The following NRP1 variants were observed in gnomAD, a reference collection of about 807,000 sequenced individuals.
NRP1 encodes neuropilin 1.
A neutral mutation model predicts 106.7 loss-of-function variants in NRP1; 35 were observed. The ratio of observed to expected loss-of-function variants is 0.33; its 90% CI spans 0.25 to 0.43. The LOEUF (loss-of-function observed/expected upper bound fraction) is 0.43, where lower values mean the gene tolerates loss of function less well. NRP1 is among the 20% of genes least tolerant of loss of function. NRP1 has a pLI of 1.00. For missense variants in NRP1, 1,024 were observed against 1,170.4 expected (o/e 0.87, Z 1.83); for synonymous variants, 437 against 417.9 (o/e 1.05, Z -0.56).
chr10:33,322,087 A>G (rs1006006806), intron 2 of NRP1, among the ~76,000 whole-genome samples: 7 of 152,120 alleles, frequency 4.6e-5, no homozygotes, highest in African/African-American at 1.7e-4. Context: ...GGAGAAGAAC[A>G]CTTCCCTGCT....
chr10:33,205,223 A>G (rs888384328), intron 10 of NRP1, among the ~76,000 whole-genome samples: 1 of 152,236 alleles, frequency 6.6e-6, no homozygotes. Flanking sequence ...TTCACCAATC[A>G]TATCAAAAAG....
intron 2 of NRP1, among the ~76,000 whole-genome samples, chr10:33,272,249 G>T (rs988431840): frequency 6.6e-6 from 1 of 152,240 alleles, no homozygotes; most frequent in Admixed American, 6.5e-5. Context: ...AGTTAAAACT[G>T]TGTGCCAGCT....
At chr10:33,253,978 T>A (rs1776837411) in intron 6 of NRP1, 50 bp downstream of exon 6, 1 of 1,533,142 alleles carries the variant, frequency 6.5e-7, no homozygotes, top group Admixed American at 2.1e-5. Context: ...CCTCTCTAGA[T>A]GGTCAAAAAC....
In NRP1 at chr10:33,226,284, G is replaced by A. The variant is rs756123751; in HGVS notation, c.987C>T (p.Asp329=). ...EDSYREWIQV[D]LGLLRFVTAV... The stretch of plus-strand genomic sequence containing the variant: ...CCGTGACAAAGCGCAGAAGGCCCAA[G>A]TCTACCTGCAAGACAAGTACAAGCG... Residue 329 remains aspartate (D), a synonymous_variant, in exon 7 of 17, where the codon GAC becomes GAT. Transcript: ENST00000374867. 6.2e-7 allele frequency: 1 copy of A among 1,614,088 alleles called. No individual in the cohort carries two copies. Among genetic ancestry groups the A allele is most frequent in the Non-Finnish European group, 8.5e-7 (1 of 1,179,990 alleles).
At chr10:33,248,808 T>C (rs970074443) in intron 6 of NRP1, among the ~76,000 whole-genome samples, 1 of 152,210 alleles carries the variant, frequency 6.6e-6, no homozygotes, top group Non-Finnish European at 1.5e-5. Flanking sequence ...GTGTGACTAA[T>C]CCACAAGAGG....
At chr10:33,233,785 T>C (rs755021682) in intron 6 of NRP1, among the ~76,000 whole-genome samples, 53 of 152,178 alleles carry the variant, frequency 3.5e-4, no homozygotes, top group Admixed American at 9.8e-4. Context: ...CGGATTTTCT[T>C]TGGGGCATCT....
chr10:33,218,580 C>T (rs915497641), intron 8 of NRP1, among the ~76,000 whole-genome samples: 7 of 152,014 alleles, frequency 4.6e-5, no homozygotes, highest in African/African-American at 1.7e-4. Context: ...CTCCTGACCT[C>T]GTGATCCACC....
intron 2 of NRP1, among the ~76,000 whole-genome samples, chr10:33,312,495 T>C (rs1237659483): frequency 1.3e-5 from 2 of 152,220 alleles, no homozygotes; most frequent in African/African-American, 4.8e-5. Context: ...AATTATGAAA[T>C]TGCACCTTTG....
intron 2 of NRP1, among the ~76,000 whole-genome samples, chr10:33,328,981 T>C (rs1415967056): frequency 6.6e-6 from 1 of 152,230 alleles, no homozygotes; most frequent in East Asian, 1.9e-4. Flanking sequence ...GAGTATGTTT[T>C]ACCAGAGTTT....
At chr10:33,240,666 C>T (rs1428362504) in intron 6 of NRP1, among the ~76,000 whole-genome samples, 1 of 152,000 alleles carries the variant, frequency 6.6e-6, no homozygotes, top group Non-Finnish European at 1.5e-5. Flanking sequence ...ATGAGAGTTT[C>T]CTGTGCTGAT....
chr10:33,275,656 G>T (rs1304814657), intron 2 of NRP1, among the ~76,000 whole-genome samples: 1 of 151,580 alleles, frequency 6.6e-6, no homozygotes, highest in Non-Finnish European at 1.5e-5. Context: ...CCAGTGCTTT[G>T]GGAGGCTGAG....
At chr10:33,287,029 A>T (rs998863756) in intron 2 of NRP1, among the ~76,000 whole-genome samples, 5 of 152,206 alleles carry the variant, frequency 3.3e-5, no homozygotes, top group African/African-American at 1.2e-4. Flanking sequence ...TAAATTTAAA[A>T]TAGGCTTTTG....
At chr10:33,300,159 G>A (rs765327534) in intron 2 of NRP1, among the ~76,000 whole-genome samples, 51 of 152,184 alleles carry the variant, frequency 3.4e-4, no homozygotes, top group Admixed American at 8.5e-4. Context: ...TTTAGGCCTA[G>A]AGTTTTCTTC....
rs566477081 is a variant in NRP1 at position 33,186,306 on chromosome 10, C to A, written c.2245G>T (p.Asp749Tyr). 5.6e-6 allele frequency: 9 copies of A among 1,614,040 alleles called. No homozygotes were observed. The highest frequency in any genetic ancestry group is 4.4e-5 in the South Asian group (4 of 91,076). The change falls in exon 14 of 17, where the codon GAT becomes TAT. Residue 749 changes from aspartate to tyrosine, a missense_variant. Transcript: ENST00000374867. ...CCAATGGCCATCCAGACCAGCTGATCGTACTCCTCTGGCTTCTGGTAGCGC... is the reference window on the plus strand; with the variant it reads ...CCAATGGCCATCCAGACCAGCTGATAGTACTCCTCTGGCTTCTGGTAGCGC... ...KLRYQKPEEYDQLVWMAIGHQ... is the reference protein window; with the variant it reads ...KLRYQKPEEYYQLVWMAIGHQ...
rs559439950 is a variant in NRP1 at position 33,265,372 on chromosome 10, C to T, written c.431-1499G>A. Among the ~76,000 whole-genome samples the T allele has an allele frequency of 1.1e-4, 16 of 152,244 alleles. No homozygotes were observed. In the South Asian group the frequency reaches 1.7e-3, roughly 16 times the overall value. On this transcript the variant is annotated intron_variant, in intron 3 of 16. Coordinates refer to ENST00000374867, the MANE Select transcript of NRP1 (RefSeq NM_003873.7). ...CTTGAAGGCAGACGTGATGGGGCCCCGGCAATGACATGCAAGGATTCAATT... is the reference window on the plus strand; with the variant it reads ...CTTGAAGGCAGACGTGATGGGGCCCTGGCAATGACATGCAAGGATTCAATT...
intron 12 of NRP1, among the ~76,000 whole-genome samples, chr10:33,193,748 C>T (rs1347770006): frequency 6.6e-6 from 1 of 152,084 alleles, no homozygotes; most frequent in Non-Finnish European, 1.5e-5. Context: ...CTCCATGGCC[C>T]CTCCCCCAAT....
In NRP1 at chr10:33,182,705, A is replaced by G; in HGVS notation, c.2475T>C (p.Asp825=). ...TCAGCAAGACAAATTTACCTGTTTC[A>G]TCAATTTTAATTTCTGGGTTCTTTT... ...LDKKNPEIKI[D]ETGSTPGYEG... The change falls in exon 16 of 17, where the codon GAT becomes GAC. Residue 825 remains aspartate, a synonymous_variant. Transcript: ENST00000374867. The G allele has an allele frequency of 6.2e-7, 1 of 1,612,320 alleles. No homozygotes were observed.
chr10:33,306,033 C>T (rs1295125696), intron 2 of NRP1, among the ~76,000 whole-genome samples: 1 of 152,116 alleles, frequency 6.6e-6, no homozygotes, highest in Non-Finnish European at 1.5e-5. Context: ...TCCCAAAGTG[C>T]TGGGATTACA....
At chr10:33,203,348 T>C (rs1367461060) in intron 10 of NRP1, among the ~76,000 whole-genome samples, 1 of 152,260 alleles carries the variant, frequency 6.6e-6, no homozygotes, top group Admixed American at 6.5e-5. Context: ...AGATTTTGCT[T>C]GAAACGTTTT....
Sources: allele counts gnomAD v4.1 joint callset (sites outside exome capture counted in the v4.1 genomes callset), GRCh38; gene constraint gnomAD v4.1.1; transcripts MANE v1.5; gene names NCBI Gene and HGNC (gene_info 2026-07-23, HGNC 2026-07-21).